The following RNF114 variants were observed in gnomAD, a reference collection of about 807,000 sequenced individuals.
RNF114 encodes ring finger protein 114.
Under a neutral mutation model 28.4 loss-of-function variants are expected in RNF114, and 6 were observed. The ratio of observed to expected loss-of-function variants is 0.21; its 90% CI spans 0.12 to 0.42. The LOEUF is 0.42. RNF114 is among the 10% of genes least tolerant of loss of function. The probability of loss-of-function intolerance (pLI) is 1.00; values close to 1 mark genes in which losing one functional copy is unlikely to be tolerated. For synonymous variants in RNF114, 115 were observed against 116.7 expected (o/e 0.99, Z 0.09); for missense variants, 249 against 311.7 (o/e 0.80, Z 1.51).
chr20:49,953,321 C>G lies in RNF114; in HGVS notation c.*1180C>G, dbSNP rs2146862323. ...ACTTGCTTTAGGAACAGCTCAAGAA[C>G]CTTGGAGTTCATATTTCACAAATAT... On this transcript the variant is annotated 3_prime_UTR_variant, in exon 6 of 6. Coordinates refer to ENST00000244061, the MANE Select transcript of RNF114 (RefSeq NM_018683.4). 6.6e-6 allele frequency: 1 copy of G among 152,258 alleles called. No homozygotes were observed. The highest frequency in any genetic ancestry group is 1.9e-4 in the East Asian group (1 of 5,182). 9.4% of individuals were successfully genotyped at this position (152,258 alleles called of 1,614,324 possible).
intron 2 of RNF114, 138 bp from the exon 3 acceptor site, chr20:49,945,244 T>C: frequency 1.7e-6 from 1 of 600,524 alleles, no homozygotes; most frequent in African/African-American, 1.9e-5. Context: ...TTCAGCCCCA[T>C]CAGCGTAGTC....
At position 49,947,769 on chromosome 20, in the gene RNF114, G is replaced by GTTTT. The variant is rs71190519; in HGVS notation, c.514-1442_514-1439dup. Reference sequence around the variant, plus strand: ...GTTCTGTCTTCCTCTCCCTCTGCAAGTTTTTTTTTTTTTTTTTTTTTTTTT... The same window carrying GTTTT: ...GTTCTGTCTTCCTCTCCCTCTGCAAGTTTTTTTTTTTTTTTTTTTTTTTTTTTTT... On this transcript the variant is annotated intron_variant, in intron 4 of 5. Transcript: ENST00000244061. 2.5e-3 allele frequency among the ~76,000 whole-genome samples: 125 copies of GTTTT among 50,476 alleles called. 29 individuals carry two copies. Among genetic ancestry groups the GTTTT allele is most frequent in the Non-Finnish European group, 2.7e-3 (78 of 28,802 alleles). 33.1% of individuals were successfully genotyped at this position (50,476 alleles called of 152,430 possible).
In RNF114 at chr20:49,953,156, T is replaced by A. The variant is rs1188636963; in HGVS notation, c.*1015T>A. 6.6e-6 allele frequency: 1 copy of A among 152,164 alleles called. No homozygotes were observed. Among genetic ancestry groups the A allele is most frequent in the Non-Finnish European group, 1.5e-5 (1 of 68,034 alleles). 9.4% of individuals were successfully genotyped at this position (152,164 alleles called of 1,614,324 possible). A position where few individuals can be genotyped will look rare whatever the true frequency, so the allele number is the denominator to read the frequency against. ...GACACTGGTTTCGACATGTAAAATG[T>A]GTTTGAAAACCTGCTTTGTAGATGC... On this transcript the variant is annotated 3_prime_UTR_variant, in exon 6 of 6. Transcript: ENST00000244061.
At chr20:49,948,401 C>T (rs868207576) in intron 4 of RNF114, among the ~76,000 whole-genome samples, 4 of 151,390 alleles carry the variant, frequency 2.6e-5, no homozygotes, top group Non-Finnish European at 1.5e-5. Flanking sequence ...GCCTTTTCTC[C>T]GTGCTGCTGC....
chr20:49,943,651 C>CTT (rs60425763), intron 2 of RNF114, among the ~76,000 whole-genome samples: 12,502 of 72,004 alleles, frequency 0.17, 1,760 homozygotes, highest in Non-Finnish European at 0.22. Context: ...CTACTGTCTT[C>CTT]TTTTTTTTTT....
chr20:49,945,303 T>C, intron 2 of RNF114, 79 bp from the exon 3 acceptor site: 1 of 834,902 alleles, frequency 1.2e-6, no homozygotes, highest in Non-Finnish European at 2.0e-6. Flanking sequence ...CTAGTTTTCT[T>C]TGTGCCCTTG....
intron 5 of RNF114, among the ~76,000 whole-genome samples, chr20:49,951,105 C>T (rs2090353719): frequency 6.6e-6 from 1 of 152,024 alleles, no homozygotes; most frequent in Non-Finnish European, 1.5e-5. Context: ...CTCTTACTTA[C>T]ATATATAGAT....
intron 2 of RNF114, among the ~76,000 whole-genome samples, chr20:49,942,598 G>A (rs2090311964): frequency 6.6e-6 from 1 of 152,112 alleles, no homozygotes; most frequent in Non-Finnish European, 1.5e-5. Context: ...CAAGGTGGGT[G>A]GATTGCTTGA....
chr20:49,938,787 A>G (rs763103613), intron 1 of RNF114, among the ~76,000 whole-genome samples: 1 of 152,208 alleles, frequency 6.6e-6, no homozygotes, highest in South Asian at 2.1e-4. Flanking sequence ...CATTTGATAG[A>G]TGAGCTGTAC....
At chr20:49,943,176 G>T (rs1478212864) in intron 2 of RNF114, among the ~76,000 whole-genome samples, 1 of 151,958 alleles carries the variant, frequency 6.6e-6, no homozygotes, top group East Asian at 1.9e-4. Context: ...TGCTGAATAG[G>T]GCTATTTTCT....
At chr20:49,942,211 A>G (rs1182677890) in intron 2 of RNF114, among the ~76,000 whole-genome samples, 1 of 152,100 alleles carries the variant, frequency 6.6e-6, no homozygotes, top group Non-Finnish European at 1.5e-5. Context: ...GTGATCTATG[A>G]TCATGCCACT....
In RNF114 at chr20:49,952,118, C is replaced by G. The variant is rs769482316; in HGVS notation, c.664C>G (p.Gln222Glu). ...AGAGGACATGATGAATCAGGTGTTG[C>G]AGCGCTCCATCATCGACCAGTGAGC... ...DEEDMMNQVLQRSIIDQ is the reference protein window; with the variant it reads ...DEEDMMNQVLERSIIDQ The change falls in exon 6 of 6, where the codon CAG becomes GAG. Residue 222 changes from glutamine (Q) to glutamate (E), a missense_variant. Transcript: ENST00000244061. The G allele has an allele frequency of 3.1e-6, 5 of 1,613,688 alleles. No homozygotes were observed. Among genetic ancestry groups the G allele is most frequent in the African/African-American group, 1.3e-5 (1 of 75,002 alleles).
rs1477414879 is a variant in RNF114, at chr20:49,952,679, T to C, written c.*538T>C. On this transcript the variant is annotated 3_prime_UTR_variant, in exon 6 of 6. Transcript: ENST00000244061. Reference sequence around the variant, plus strand: ...CCCGGGGTACATGTCACCAGTCCTCTTGGGGTTTTGTACCATCTGATGCTG... The same window carrying C: ...CCCGGGGTACATGTCACCAGTCCTCCTGGGGTTTTGTACCATCTGATGCTG... 6.1e-6 allele frequency: 1 copy of C among 164,700 alleles called. No homozygotes were observed. Among genetic ancestry groups the C allele is most frequent in the Non-Finnish European group, 1.3e-5 (1 of 77,972 alleles). The allele number at this position is 164,700 out of a possible 1,614,324, so 10.2% of individuals were successfully genotyped here.
At chr20:49,942,842 T>G (rs992618354) in intron 2 of RNF114, among the ~76,000 whole-genome samples, 1 of 152,156 alleles carries the variant, frequency 6.6e-6, no homozygotes, top group Admixed American at 6.6e-5. Context: ...AAAAAGTGAT[T>G]TAATTTCGAA....
chr20:49,946,737 G>A (rs1454476170), intron 4 of RNF114, among the ~76,000 whole-genome samples: 1 of 152,022 alleles, frequency 6.6e-6, no homozygotes, highest in East Asian at 1.9e-4. Context: ...GTCTGTTGTT[G>A]GTAACATTAA....
At position 49,941,695 on chromosome 20, in the gene RNF114, A is replaced by G. The variant is rs1449836607; in HGVS notation, c.275A>G (p.His92Arg). The G allele has an allele frequency of 3.1e-6, 5 of 1,611,374 alleles. No homozygotes were observed. The highest frequency in any genetic ancestry group is 1.7e-5 in the Admixed American group (1 of 59,348). ...ATCGAGAGCACAGAGACTTCTTGCC[A>G]TGGCTGCCGTAAGAATGTATGTGGA... ...RQIESTETSC[H>R]GCRKNFFLSK... is the part of the protein sequence containing the mutation. The change falls in exon 2 of 6, where the codon CAT becomes CGT. Residue 92 changes from histidine to arginine, a missense_variant. Around this residue, in one of 2 missense-constraint regions of RNF114, gnomAD observed 126 missense variants for 205.3 expected, o/e 0.61. Transcript: ENST00000244061.
intron 1 of RNF114, 60 bp from the exon 2 acceptor site, chr20:49,941,501 C>A: frequency 6.7e-7 from 1 of 1,493,908 alleles, no homozygotes; most frequent in Non-Finnish European, 8.9e-7. Flanking sequence ...AAAGTTGATC[C>A]ATATTTGTCG....
intron 2 of RNF114, among the ~76,000 whole-genome samples, chr20:49,942,651 C>T (rs1236226377): frequency 6.6e-6 from 1 of 152,028 alleles, no homozygotes; most frequent in Non-Finnish European, 1.5e-5. Context: ...GGTGAAACCT[C>T]GGCTCTACTG....
intron 2 of RNF114, 34 bp downstream of exon 2, chr20:49,941,745 T>C: frequency 1.9e-6 from 3 of 1,598,608 alleles, no homozygotes; most frequent in Non-Finnish European, 2.6e-6. Flanking sequence ...GTCCATGTCT[T>C]TCCATGATAA....
Sources: allele counts gnomAD v4.1 joint callset (sites outside exome capture counted in the v4.1 genomes callset), GRCh38; gene constraint gnomAD v4.1.1; regional missense constraint gnomAD v4.1.1; transcripts MANE v1.5; gene names NCBI Gene and HGNC (gene_info 2026-07-23, HGNC 2026-07-21).